The following BIRC6 variants were observed in gnomAD, a reference collection of about 807,000 sequenced individuals.
The protein encoded by BIRC6 is dual E2 ubiquitin-conjugating enzyme/E3 ubiquitin-protein ligase BIRC6.
Under a neutral mutation model 503.3 loss-of-function variants are expected in BIRC6, and 98 were observed. The observed-to-expected ratio is 0.19, with a 90% confidence interval of 0.17 to 0.23. The LOEUF is 0.23. BIRC6 is among the 10% of genes least tolerant of loss of function. The pLI, the probability that BIRC6 is intolerant of heterozygous loss-of-function variation, is 1.00. For missense variants in BIRC6, 5,360 were observed against 5,806.0 expected (o/e 0.92, Z 2.50); for synonymous variants, 2,240 against 2,078.7 (o/e 1.08, Z -2.11).
At chr2:32,406,696 T>C (rs974147320) in intron 9 of BIRC6, 139 bp downstream of exon 9, 19 of 559,844 alleles carry the variant, frequency 3.4e-5, no homozygotes, top group Non-Finnish European at 5.7e-5. Context: ...ACTGAAATAT[T>C]GTGTGTCAGA....
chr2:32,515,868 G>A (rs1265887892), intron 55 of BIRC6, 98 bp downstream of exon 55: 2 of 1,129,046 alleles, frequency 1.8e-6, no homozygotes, highest in African/African-American at 3.1e-5. Context: ...AGGGTTGAGT[G>A]CCTTTAAGGA....
chr2:32,613,044 C>T (rs886666876), intron 73 of BIRC6, among the ~76,000 whole-genome samples: 6 of 152,084 alleles, frequency 3.9e-5, no homozygotes, highest in African/African-American at 1.4e-4. Context: ...CCCTGGCTCA[C>T]TTCTCCATTC....
Position 32,420,870 on chromosome 2 carries a change from A to G in BIRC6, c.2872+4707A>G, listed in dbSNP as rs577635044. 1.5e-4 allele frequency among the ~76,000 whole-genome samples: 22 copies of G among 149,656 alleles called. No homozygotes were observed. The South Asian group carries it at 4.2e-3, about 29-fold the overall frequency. ...AGGGATGTCACCACTCTCATTTGTGATACTGATCGATGATTTGTATTTTTT... is the reference window on the plus strand; with the variant it reads ...AGGGATGTCACCACTCTCATTTGTGGTACTGATCGATGATTTGTATTTTTT... On this transcript the variant is annotated intron_variant, in intron 10 of 73. Coordinates refer to ENST00000421745, the MANE Select transcript of BIRC6 (RefSeq NM_016252.4).
chr2:32,513,683 G>A (rs998026892), intron 54 of BIRC6, among the ~76,000 whole-genome samples: 2 of 152,186 alleles, frequency 1.3e-5, no homozygotes, highest in Non-Finnish European at 2.9e-5. Flanking sequence ...GGCCGAGGTG[G>A]GCAGATCACG....
chr2:32,504,895 G>T (rs561435629), intron 49 of BIRC6, 110 bp from the exon 50 acceptor site: 53 of 991,044 alleles, frequency 5.3e-5, no homozygotes, highest in Middle Eastern at 3.2e-4. Context: ...AGCATCAATT[G>T]TTCATGTTTT....
intron 66 of BIRC6, among the ~76,000 whole-genome samples, chr2:32,586,701 G>A (rs1005622108): frequency 6.6e-6 from 1 of 152,038 alleles, no homozygotes; most frequent in Non-Finnish European, 1.5e-5. Context: ...TTACAAATGT[G>A]AGCCACTACA....
rs369009616 is a variant in BIRC6, at chr2:32,444,186, G to A, written c.4336+598G>A. Among the ~76,000 whole-genome samples, 24 of 152,194 alleles carry A rather than the reference G, an allele frequency of 1.6e-4. No homozygotes were observed. The East Asian group carries it at 3.1e-3, about 20-fold the overall frequency. Reference sequence around the variant, plus strand: ...GTTGATAAATTAGTATGAACATATGGTTAGAAGAAATAAGTTCTAGTGTTT... The same window carrying A: ...GTTGATAAATTAGTATGAACATATGATTAGAAGAAATAAGTTCTAGTGTTT... On this transcript the variant is annotated intron_variant, in intron 20 of 73. Coordinates refer to ENST00000421745, the MANE Select transcript of BIRC6 (RefSeq NM_016252.4).
At chr2:32,430,007 A>G (rs2043920796) in intron 11 of BIRC6, among the ~76,000 whole-genome samples, 1 of 152,128 alleles carries the variant, frequency 6.6e-6, no homozygotes. Flanking sequence ...TTTGTAATGA[A>G]GAAATAAATA....
chr2:32,431,079 A>G lies in BIRC6; in HGVS notation c.3237A>G (p.Leu1079=), dbSNP rs1455909590. 3.1e-6 allele frequency: 5 copies of G among 1,609,172 alleles called. No individual in the cohort carries two copies. Among genetic ancestry groups the G allele is most frequent in the East Asian group, 2.2e-5 (1 of 44,796 alleles). ...DAAQHTRTWK[L]QTDSNSWDEH... ...CTCAGCATACTCGAACTTGGAAACT[A>G]CAGACCGACAGGTAAAAGATATTCC... The change falls in exon 12 of 74, where the codon CTA becomes CTG. Residue 1079 remains leucine (L), a synonymous_variant. Coordinates refer to ENST00000421745, the MANE Select transcript of BIRC6 (RefSeq NM_016252.4).
At position 32,531,023 on chromosome 2, in the gene BIRC6, G is replaced by A. The variant is rs555010682; in HGVS notation, c.12095-332G>A. ...GATATACGTTAAAGTATGCCCTAAA[G>A]GACAGTGCTTCTCAAACTTCAGTAT... On this transcript the variant is annotated intron_variant, in intron 60 of 73. Transcript: ENST00000421745. 5.3e-5 allele frequency among the ~76,000 whole-genome samples: 8 copies of A among 152,252 alleles called. No homozygotes were observed. The South Asian group carries it at 1.5e-3, about 28-fold the overall frequency.
intron 65 of BIRC6, among the ~76,000 whole-genome samples, chr2:32,569,044 C>T (rs1487383933): frequency 6.9e-6 from 1 of 145,176 alleles, no homozygotes; most frequent in Non-Finnish European, 1.5e-5. Context: ...AGTGCAAGTG[C>T]AGTGGTGCGA....
chr2:32,454,178 T>G (rs1242990308), intron 23 of BIRC6, among the ~76,000 whole-genome samples: 4 of 152,154 alleles, frequency 2.6e-5, no homozygotes, highest in Non-Finnish European at 5.9e-5. Flanking sequence ...AATCATTCTG[T>G]TTTTATGTGT....
In BIRC6 at chr2:32,445,685, A is replaced by G. The variant is rs1461207563; in HGVS notation, c.4484+17A>G. 3 of 1,476,194 alleles carry G rather than the reference A, an allele frequency of 2.0e-6. No individual in the cohort carries two copies. Among genetic ancestry groups the G allele is most frequent in the Non-Finnish European group, 2.7e-6 (3 of 1,105,974 alleles). The allele number at this position is 1,476,194 out of a possible 1,614,324, so 91.4% of individuals were successfully genotyped here. A position where few individuals can be genotyped will look rare whatever the true frequency, so the allele number is the denominator to read the frequency against. On this transcript the variant is annotated intron_variant, in intron 21 of 73. Transcript: ENST00000421745. ...TCAGACAAGGTATTTTAGTATATCT[A>G]ATGACTAATAATAGGCGTCTCTGAG...
chr2:32,492,954 C>G (rs905065998), intron 44 of BIRC6, among the ~76,000 whole-genome samples: 8 of 150,218 alleles, frequency 5.3e-5, no homozygotes, highest in Non-Finnish European at 3.0e-5. Flanking sequence ...ACACTTCTAC[C>G]TCAGGTTACT....
intron 2 of BIRC6, chr2:32,378,818 C>T (rs1442900722): frequency 6.6e-6 from 1 of 152,126 alleles, no homozygotes; most frequent in African/African-American, 2.4e-5. Flanking sequence ...TAAGTTTTAG[C>T]CATATATACT....
intron 23 of BIRC6, among the ~76,000 whole-genome samples, chr2:32,455,929 A>G (rs1438080974): frequency 1.3e-5 from 2 of 152,338 alleles, no homozygotes; most frequent in East Asian, 3.9e-4. Context: ...AGGAGCTGAA[A>G]GATGATTGTA....
rs528431804 is a variant in BIRC6, at chr2:32,500,945, C to T, written c.9032-768C>T. On this transcript the variant is annotated intron_variant, in intron 46 of 73. Coordinates refer to ENST00000421745, the MANE Select transcript of BIRC6 (RefSeq NM_016252.4). ...ACAGACGGGATTTCACCATGTTAGC[C>T]AGGCTGGTCTTGAACTCTTATTTCA... is the stretch of plus-strand genomic sequence containing the variant. 9.5e-4 allele frequency among the ~76,000 whole-genome samples: 145 copies of T among 152,074 alleles called. 1 individual carries two copies. The South Asian group carries it at 9.8e-3, about 10-fold the overall frequency.
At chr2:32,574,976 G>A (rs998584449) in intron 65 of BIRC6, among the ~76,000 whole-genome samples, 180 bp from the exon 66 acceptor site, 1 of 152,152 alleles carries the variant, frequency 6.6e-6, no homozygotes, top group East Asian at 1.9e-4. Context: ...TCGAACTCCC[G>A]ACCTCGGGTG....
At chr2:32,458,716 A>G (rs1474225440) in intron 23 of BIRC6, among the ~76,000 whole-genome samples, 2 of 124,556 alleles carry the variant, frequency 1.6e-5, no homozygotes, top group East Asian at 2.2e-4. Flanking sequence ...TTTCTGATAC[A>G]GAGTGAGACA....
Sources: allele counts gnomAD v4.1 joint callset (sites outside exome capture counted in the v4.1 genomes callset), GRCh38; gene constraint gnomAD v4.1.1; transcripts MANE v1.5; gene names NCBI Gene and HGNC (gene_info 2026-07-23, HGNC 2026-07-21).